Variants in HTT observed in about 807,000 individuals in gnomAD.
HTT encodes the protein huntingtin, also known as huntington disease protein.
In HTT, 104 loss-of-function variants were observed where a neutral mutation model predicts 362.3. That is an observed-to-expected ratio of 0.29 (90% CI 0.24 to 0.34). The LOEUF is 0.34. HTT is among the 10% of genes least tolerant of loss of function. HTT has a pLI of 1.00. For missense variants in HTT, 3,301 were observed against 3,928.6 expected (o/e 0.84, Z 4.27); for synonymous variants, 1,577 against 1,548.7 (o/e 1.02, Z -0.43).
In HTT at chr4:3,148,216, C is replaced by A. The variant is rs1271600692; in HGVS notation, c.3498+9C>A. On this transcript the variant is annotated intron_variant, in intron 26 of 66. Transcript: ENST00000355072. ...CTGGACCCGCAATAAAGGTAATGTCCCACTTGGGTGCTGGATTCATACAGC... is the reference window on the plus strand; with the variant it reads ...CTGGACCCGCAATAAAGGTAATGTCACACTTGGGTGCTGGATTCATACAGC... The A allele has an allele frequency of 4.5e-6, 7 of 1,548,316 alleles. No individual in the cohort carries two copies. The highest frequency in any genetic ancestry group is 6.1e-6 in the Non-Finnish European group (7 of 1,143,452).
Position 3,159,404 on chromosome 4 carries a change from T to C in HTT, c.3754-878T>C, listed in dbSNP as rs576309477. Reference sequence around the variant, plus strand: ...AGGAGAGGTCAGATTGCTGTGCATATTGGAGGAGAACCCTTTCTTCCCTGG... The same window carrying C: ...AGGAGAGGTCAGATTGCTGTGCATACTGGAGGAGAACCCTTTCTTCCCTGG... On this transcript the variant is annotated intron_variant, in intron 28 of 66. Transcript: ENST00000355072. 4.5e-4 allele frequency among the ~76,000 whole-genome samples: 69 copies of C among 152,330 alleles called. No homozygotes were observed. The South Asian group carries it at 5.8e-3, about 13-fold the overall frequency.
rs1178995881 is a variant in HTT at position 3,218,792 on chromosome 4, G to A, written c.7242+840G>A. On this transcript the variant is annotated intron_variant, in intron 52 of 66. Coordinates refer to ENST00000355072, the MANE Select transcript of HTT (RefSeq NM_001388492.1). This position sits in a 1 kb window ranked among gnomAD's most constrained non-coding sequence, Gnocchi z 4.4. ...CCGCTGAAATAAGATGATGGGGCCTGTTCCTTAGGGCCTGCAGCATCCTCA... is the reference window on the plus strand; with the variant it reads ...CCGCTGAAATAAGATGATGGGGCCTATTCCTTAGGGCCTGCAGCATCCTCA... 1.3e-5 allele frequency among the ~76,000 whole-genome samples: 2 copies of A among 152,192 alleles called. No individual in the cohort carries two copies. The highest frequency in any genetic ancestry group is 4.8e-5 in the African/African-American group (2 of 41,450).
chr4:3,127,263 G>C lies in HTT; in HGVS notation c.1403-1G>C, dbSNP rs747111841. 5 of 1,605,144 alleles carry C rather than the reference G, an allele frequency of 3.1e-6. No individual in the cohort carries two copies. The highest frequency in any genetic ancestry group is 2.2e-5 in the South Asian group (2 of 90,948). On this transcript the variant is annotated splice_acceptor_variant, in intron 11 of 66. Transcript: ENST00000355072. LOFTEE classifies it high-confidence loss of function. The stretch of plus-strand genomic sequence containing the variant: ...ACAAATGAGTGTTTCTCTGTCTTCA[G>C]CCTCAGTGAAGGATGAGATCAGTGG...
In HTT at chr4:3,074,696, C is replaced by G. The variant is rs925480945; in HGVS notation, c.-130C>G. 81 of 1,004,946 alleles carry G rather than the reference C, an allele frequency of 8.1e-5. No individual in the cohort carries two copies. The African/African-American group carries it at 1.2e-3, about 15-fold the overall frequency. 62.3% of individuals were successfully genotyped at this position (1,004,946 alleles called of 1,614,324 possible). A position where few individuals can be genotyped will look rare whatever the true frequency, so the allele number is the denominator to read the frequency against. The stretch of plus-strand genomic sequence containing the variant: ...CGCCGTGGGGGCTGCCGGGACGGGT[C>G]CAAGATGGACGGCCGCTCAGGTTCT... On this transcript the variant is annotated 5_prime_UTR_variant, in exon 1 of 67. Coordinates refer to ENST00000355072, the MANE Select transcript of HTT (RefSeq NM_001388492.1).
intron 57 of HTT, among the ~76,000 whole-genome samples, chr4:3,226,841 G>T (rs896692434): frequency 1.3e-5 from 2 of 152,194 alleles, no homozygotes; most frequent in Non-Finnish European, 2.9e-5. Flanking sequence ...TGTGCCTGCC[G>T]GTTTCAGTGA....
chr4:3,127,393 A>G lies in HTT; in HGVS notation c.1532A>G (p.Asp511Gly), dbSNP rs1180799668. Reference sequence around the variant, plus strand: ...CACACACTGCAGGCGGACTCAGTGGATCTGGCCAGCTGTGACTTGACAAGC... The same window carrying G: ...CACACACTGCAGGCGGACTCAGTGGGTCTGGCCAGCTGTGACTTGACAAGC... ...SQHTLQADSVDLASCDLTSSA... is the reference protein window; with the variant it reads ...SQHTLQADSVGLASCDLTSSA... Residue 511 changes from aspartate (D) to glycine (G), a missense_variant, in exon 12 of 67, where the codon GAT becomes GGT. By Grantham distance (94) the Asp-to-Gly change is moderately conservative. Around this residue, in one of 4 missense-constraint regions of HTT, gnomAD observed 2,316 missense variants for 2,658.5 expected, o/e 0.87. Coordinates refer to ENST00000355072, the MANE Select transcript of HTT (RefSeq NM_001388492.1). The G allele has an allele frequency of 5.0e-6, 8 of 1,614,138 alleles. No homozygotes were observed. The East Asian group carries it at 1.6e-4, about 31-fold the overall frequency.
chr4:3,127,973 A>T (rs1209756115), intron 12 of HTT, among the ~76,000 whole-genome samples: 1 of 151,872 alleles, frequency 6.6e-6, no homozygotes, highest in East Asian at 2.0e-4. Flanking sequence ...CAAAAAAAAT[A>T]AAAAAATAAA....
chr4:3,094,903 C>T (rs1022951492), intron 2 of HTT, among the ~76,000 whole-genome samples: 4 of 151,268 alleles, frequency 2.6e-5, no homozygotes, highest in Admixed American at 6.6e-5. Flanking sequence ...CACGGCCGGG[C>T]AGAGGTGCTC....
chr4:3,090,670 T>C (rs189850005), intron 2 of HTT, among the ~76,000 whole-genome samples: 1 of 152,356 alleles, frequency 6.6e-6, no homozygotes, highest in East Asian at 1.9e-4. Flanking sequence ...AGGTGACCAC[T>C]TTCTAGATAG....
intron 2 of HTT, among the ~76,000 whole-genome samples, chr4:3,096,125 C>A (rs1713845009): frequency 6.6e-6 from 1 of 152,214 alleles, no homozygotes; most frequent in African/African-American, 2.4e-5. Context: ...GGCTCTTGCC[C>A]AGGATGAGAT....
intron 23 of HTT, among the ~76,000 whole-genome samples, chr4:3,143,422 G>A (rs191494658): frequency 3.0e-4 from 39 of 130,758 alleles, no homozygotes; most frequent in African/African-American, 1.0e-3. Flanking sequence ...GTGCAATAGA[G>A]CGAGACTCTG....
chr4:3,117,919 C>G (rs1310687521), intron 8 of HTT, among the ~76,000 whole-genome samples: 1 of 152,214 alleles, frequency 6.6e-6, no homozygotes, highest in Non-Finnish European at 1.5e-5. Flanking sequence ...CAAATACCCA[C>G]CAACTCATTA....
chr4:3,202,978 C>G (rs1719658524), intron 41 of HTT: 1 of 152,224 alleles, frequency 6.6e-6, no homozygotes, highest in African/African-American at 2.4e-5. Flanking sequence ...GTGCTCCAGC[C>G]TAGGTGACAC....
At chr4:3,194,497 A>C (rs1466639444) in intron 40 of HTT, among the ~76,000 whole-genome samples, 1 of 152,256 alleles carries the variant, frequency 6.6e-6, no homozygotes, top group African/African-American at 2.4e-5. Context: ...CATGTGGCTG[A>C]ATTAGAGCTG....
At chr4:3,205,128 T>C (rs1361690021) in intron 42 of HTT, among the ~76,000 whole-genome samples, 1 of 152,158 alleles carries the variant, frequency 6.6e-6, no homozygotes, top group Non-Finnish European at 1.5e-5. Context: ...TAGCATCACA[T>C]ATTTACCATG....
chr4:3,225,232 G>A (rs917384413), intron 56 of HTT, among the ~76,000 whole-genome samples: 1 of 152,154 alleles, frequency 6.6e-6, no homozygotes, highest in Admixed American at 6.5e-5. Context: ...CCTGGGCACC[G>A]AGGTGGGGTT....
In HTT at chr4:3,183,683, C is replaced by T. The variant is rs1202200749; in HGVS notation, c.4866+1213C>T. Among the ~76,000 whole-genome samples, 6 of 152,172 alleles carry T rather than the reference C, an allele frequency of 3.9e-5. No individual in the cohort carries two copies. The East Asian group carries it at 7.7e-4, about 20-fold the overall frequency. On this transcript the variant is annotated intron_variant, in intron 37 of 66. Coordinates refer to ENST00000355072, the MANE Select transcript of HTT (RefSeq NM_001388492.1). The stretch of plus-strand genomic sequence containing the variant: ...GCAGTTTTAGTGTGGTCAGGGTCTC[C>T]CTGCCTACAGATGGTTTTAGAATGG...
intron 59 of HTT, among the ~76,000 whole-genome samples, 160 bp downstream of exon 59, chr4:3,229,169 C>G (rs1721077632): frequency 6.6e-6 from 1 of 151,334 alleles, no homozygotes; most frequent in Admixed American, 6.6e-5. Flanking sequence ...AGACACCACA[C>G]ACACATGCCA....
At chr4:3,169,764 G>A (rs938719481) in intron 29 of HTT, among the ~76,000 whole-genome samples, 19 of 152,016 alleles carry the variant, frequency 1.2e-4, no homozygotes, top group Non-Finnish European at 1.9e-4. Flanking sequence ...ATTAGAGATG[G>A]GGTTTCACCA....
Sources: allele counts gnomAD v4.1 joint callset (sites outside exome capture counted in the v4.1 genomes callset), GRCh38; gene constraint gnomAD v4.1.1; regional missense constraint gnomAD v4.1.1; non-coding constraint Gnocchi (gnomAD v3.1); transcripts MANE v1.5; gene names NCBI Gene and HGNC (gene_info 2026-07-23, HGNC 2026-07-21).